Variants in HS3ST4 observed in about 807,000 individuals in gnomAD.
The protein encoded by HS3ST4 is heparan sulfate-glucosamine 3-sulfotransferase 4.
HS3ST4 carries 17 observed loss-of-function variants against 29.2 expected under a neutral mutation model. The ratio of observed to expected loss-of-function variants is 0.58; its 90% CI spans 0.40 to 0.87. The LOEUF is 0.87. Among genes scored for constraint, HS3ST4 ranks in the 40% least tolerant of loss-of-function variants. The pLI, the probability that HS3ST4 is intolerant of heterozygous loss-of-function variation, is 0.00. For missense variants in HS3ST4, 627 were observed against 634.5 expected (o/e 0.99, Z 0.13); for synonymous variants, 314 against 285.7 (o/e 1.10, Z -1.00).
intron 1 of HS3ST4, among the ~76,000 whole-genome samples, chr16:25,860,770 T>G (rs1206163799): frequency 6.6e-6 from 1 of 152,194 alleles, no homozygotes; most frequent in Admixed American, 6.5e-5. Context: ...GAAATTACTC[T>G]GTATGATACT....
At chr16:25,892,128 G>A (rs1050781392) in intron 1 of HS3ST4, among the ~76,000 whole-genome samples, 1 of 152,128 alleles carries the variant, frequency 6.6e-6, no homozygotes, top group Non-Finnish European at 1.5e-5. Context: ...CAAAATGAAG[G>A]AACAAAGTTC....
intron 1 of HS3ST4, among the ~76,000 whole-genome samples, chr16:25,860,714 A>AT (rs1351622221): frequency 2.6e-5 from 4 of 152,122 alleles, no homozygotes; most frequent in African/African-American, 9.7e-5. Flanking sequence ...AGGTCTGGGG[A>AT]TAGGGAGGGT....
chr16:25,901,635 C>A (rs1165961446), intron 1 of HS3ST4, among the ~76,000 whole-genome samples: 6 of 152,218 alleles, frequency 3.9e-5, no homozygotes, highest in Admixed American at 3.9e-4. Context: ...GATCGTGCCA[C>A]TGCACTCCAT....
intron 1 of HS3ST4, among the ~76,000 whole-genome samples, chr16:25,828,334 CTCTCTTTCTCCCTT>C (rs1967256857): frequency 6.2e-5 from 8 of 129,720 alleles, no homozygotes; most frequent in Non-Finnish European, 9.7e-5. Context: ...CTCTCTCTCT[CTCTCTTTCTCCCTT>C]TCTCTCTCTC....
chr16:26,014,786 CATCACCATTT>C (rs1969347092), intron 1 of HS3ST4, among the ~76,000 whole-genome samples: 1 of 152,110 alleles, frequency 6.6e-6, no homozygotes, highest in Non-Finnish European at 1.5e-5. Context: ...GCTATTGTAT[CATCACCATTT>C]TACACTTCTC....
At chr16:26,070,409 C>T (rs180893213) in intron 1 of HS3ST4, among the ~76,000 whole-genome samples, 47 of 152,258 alleles carry the variant, frequency 3.1e-4, no homozygotes, top group Admixed American at 1.4e-3. Context: ...CAGCTGCAGA[C>T]GTCAGAACAA....
intron 1 of HS3ST4, among the ~76,000 whole-genome samples, chr16:25,856,095 CT>C (rs1967571845): frequency 3.3e-5 from 5 of 152,188 alleles, no homozygotes; most frequent in Admixed American, 2.6e-4. Flanking sequence ...CCTTCCTCTG[CT>C]TTTCACGGGG....
Position 26,015,303 on chromosome 16 carries a change from C to T in HS3ST4, c.735-120309C>T, listed in dbSNP as rs989698228. ...ACAATTATGTTTAATTATAGTGAAA[C>T]GATACGTATTACAACCAACCAAGGA... is the stretch of plus-strand genomic sequence containing the variant. On this transcript the variant is annotated intron_variant, in intron 1 of 1. Transcript: ENST00000331351. Among the ~76,000 whole-genome samples, 9 of 152,202 alleles carry T rather than the reference C, an allele frequency of 5.9e-5. No individual in the cohort carries two copies. In the East Asian group the frequency reaches 7.7e-4, roughly 13 times the overall value.
At chr16:25,736,258 C>T (rs530122630) in intron 1 of HS3ST4, among the ~76,000 whole-genome samples, 2 of 152,280 alleles carry the variant, frequency 1.3e-5, no homozygotes, top group South Asian at 4.1e-4. Flanking sequence ...TATGACCACC[C>T]TTTGTCATCA....
At chr16:25,993,118 T>A (rs1357435630) in intron 1 of HS3ST4, among the ~76,000 whole-genome samples, 1 of 152,018 alleles carries the variant, frequency 6.6e-6, no homozygotes, top group Non-Finnish European at 1.5e-5. Flanking sequence ...AGCCCCACAA[T>A]CTAGAACTGC....
At chr16:25,926,853 A>G (rs1968408444) in intron 1 of HS3ST4, among the ~76,000 whole-genome samples, 2 of 152,102 alleles carry the variant, frequency 1.3e-5, no homozygotes, top group Non-Finnish European at 2.9e-5. Flanking sequence ...CTATGATCTC[A>G]GTAGGTCTGT....
chr16:25,840,877 C>T, intron 1 of HS3ST4, among the ~76,000 whole-genome samples: 1 of 152,122 alleles, frequency 6.6e-6, no homozygotes, highest in East Asian at 1.9e-4. Context: ...ATCCATGGGC[C>T]ATCTGTGGTC....
At chr16:25,876,172 C>T (rs138121392) in intron 1 of HS3ST4, among the ~76,000 whole-genome samples, 15 of 152,286 alleles carry the variant, frequency 9.8e-5, no homozygotes, top group Non-Finnish European at 1.3e-4. Context: ...AGAATACAAC[C>T]TGATCTTTTT....
At chr16:26,049,470 C>CTGTGTGTGTGTGTG (rs113562359) in intron 1 of HS3ST4, among the ~76,000 whole-genome samples, 23 of 145,080 alleles carry the variant, frequency 1.6e-4, no homozygotes, top group African/African-American at 3.8e-4. Flanking sequence ...ATGCGTGCCT[C>CTGTGTGTGTGTGTG]TGTGTGTGTG....
chr16:25,906,058 A>G (rs1400267939), intron 1 of HS3ST4, among the ~76,000 whole-genome samples: 2 of 152,206 alleles, frequency 1.3e-5, no homozygotes, highest in Admixed American at 6.5e-5. Context: ...GTCTTTTAAA[A>G]TTGAGTTGAC....
chr16:25,747,964 G>C (rs72778931), intron 1 of HS3ST4, among the ~76,000 whole-genome samples: 22 of 152,328 alleles, frequency 1.4e-4, no homozygotes, highest in Admixed American at 3.3e-4. Flanking sequence ...TGAAAGGGAA[G>C]TTAGTGAAAT....
chr16:25,903,339 A>ATATTATATATATGTATATGTATG (rs1968140231), intron 1 of HS3ST4, among the ~76,000 whole-genome samples: 1 of 142,212 alleles, frequency 7.0e-6, no homozygotes, highest in African/African-American at 2.5e-5. Context: ...GTATATGTAT[A>ATATTATATATATGTATATGTATG]TATTATATAT....
chr16:26,115,449 A>G (rs1899190465), intron 1 of HS3ST4, among the ~76,000 whole-genome samples: 1 of 152,140 alleles, frequency 6.6e-6, no homozygotes, highest in South Asian at 2.1e-4. Flanking sequence ...TAATGACAGC[A>G]GACAGTCAGG....
intron 1 of HS3ST4, among the ~76,000 whole-genome samples, chr16:25,803,787 G>C (rs550357254): frequency 2.6e-5 from 4 of 152,170 alleles, no homozygotes; most frequent in Non-Finnish European, 5.9e-5. Context: ...AGAGATGCAG[G>C]AGATAGGGAC....
Sources: gnomAD v4.1 joint callset for allele counts (sites outside exome capture counted in the v4.1 genomes callset) on GRCh38, gnomAD v4.1.1 for gene constraint, MANE v1.5 for transcripts, NCBI Gene and HGNC (gene_info 2026-07-23, HGNC 2026-07-21) for gene names.